The following PTPRD variants were observed in gnomAD, a reference collection of about 807,000 sequenced individuals.
PTPRD encodes protein tyrosine phosphatase receptor type D, also known as receptor-type tyrosine-protein phosphatase delta.
In PTPRD, 34 loss-of-function variants were observed where a neutral mutation model predicts 214.5. The observed-to-expected ratio is 0.16, with a 90% CI of 0.12 to 0.21. The LOEUF is 0.21. Among genes scored for constraint, PTPRD ranks in the 10% least tolerant of loss-of-function variants. The pLI, the probability that PTPRD is intolerant of heterozygous loss-of-function variation, is 1.00. For synonymous variants in PTPRD, 1,128 were observed against 845.7 expected, an observed-to-expected ratio of 1.33 and a Z score of -5.79; for missense variants, 2,545 against 2,398.7, an observed-to-expected ratio of 1.06 and a Z score of -1.27.
At chr9:9,410,430 T>C (rs964134623) in intron 8 of PTPRD, among the ~76,000 whole-genome samples, 23 of 152,230 alleles carry the variant, frequency 1.5e-4, no homozygotes, top group African/African-American at 2.4e-5. Context: ...GTTTCCTATG[T>C]CCAGCTTACA....
At chr9:10,118,496 A>G (rs922469488) in intron 3 of PTPRD, among the ~76,000 whole-genome samples, 1 of 151,770 alleles carries the variant, frequency 6.6e-6, no homozygotes, top group African/African-American at 2.4e-5. Context: ...CATAATAAAG[A>G]TTCAACATAT....
At chr9:10,148,490 T>A (rs1380765736) in intron 3 of PTPRD, among the ~76,000 whole-genome samples, 1 of 152,062 alleles carries the variant, frequency 6.6e-6, no homozygotes, top group East Asian at 1.9e-4. Context: ...TTTTAAAAAA[T>A]AATGGCATCA....
intron 11 of PTPRD, among the ~76,000 whole-genome samples, chr9:8,918,600 T>C (rs1197684026): frequency 2.0e-5 from 3 of 152,166 alleles, no homozygotes; most frequent in Non-Finnish European, 4.4e-5. Flanking sequence ...TGCATGCATA[T>C]ATAGTGATTA....
intron 12 of PTPRD, among the ~76,000 whole-genome samples, chr9:8,693,714 A>C (rs1036830197): frequency 6.6e-6 from 1 of 152,224 alleles, no homozygotes; most frequent in Non-Finnish European, 1.5e-5. Flanking sequence ...AAGTCCTGAA[A>C]CTGCTTTGCA....
At chr9:9,921,793 T>C (rs1443870569) in intron 5 of PTPRD, among the ~76,000 whole-genome samples, 1 of 151,910 alleles carries the variant, frequency 6.6e-6, no homozygotes, top group Non-Finnish European at 1.5e-5. Flanking sequence ...GACAATAGTG[T>C]AATTGAGAGC....
chr9:8,986,008 T>C (rs2099343108), intron 11 of PTPRD, among the ~76,000 whole-genome samples: 1 of 152,096 alleles, frequency 6.6e-6, no homozygotes, highest in African/African-American at 2.4e-5. Flanking sequence ...TAAAAGCTTT[T>C]TTACAGTAGT....
In PTPRD at chr9:10,188,011, G is replaced by C. The variant is rs989600078; in HGVS notation, c.-545+152952C>G. On this transcript the variant is annotated intron_variant, in intron 3 of 45. Transcript: ENST00000381196. The stretch of plus-strand genomic sequence containing the variant: ...GACATTGAGAAGTCTCTACAATTGA[G>C]GTCCAATGCATCTTTCTGGCAACAC... Among the ~76,000 whole-genome samples, 60 of 152,108 alleles carry C rather than the reference G, an allele frequency of 3.9e-4. 1 individual carries two copies. Among genetic ancestry groups the C allele is most frequent in the Admixed American group, 3.9e-3 (59 of 15,264 alleles).
intron 8 of PTPRD, among the ~76,000 whole-genome samples, chr9:9,485,687 T>C (rs10217686): frequency 0.19 from 28,543 of 152,160 alleles, 2,839 homozygotes; most frequent in Non-Finnish European, 0.23. Context: ...TTCTTTCCTC[T>C]TCTAAAGTAT....
intron 8 of PTPRD, among the ~76,000 whole-genome samples, chr9:9,505,252 G>C (rs796214205): frequency 4.0e-5 from 6 of 151,704 alleles, no homozygotes; most frequent in African/African-American, 1.4e-4. Flanking sequence ...GACTCTCTTA[G>C]ATTAAATAAT....
intron 9 of PTPRD, among the ~76,000 whole-genome samples, chr9:9,266,604 G>T (rs1314251048): frequency 6.7e-6 from 1 of 150,136 alleles, no homozygotes. Flanking sequence ...TAAATAAGTA[G>T]AATAAGTGGT....
chr9:8,372,908 A>G (rs2081993474), intron 39 of PTPRD, among the ~76,000 whole-genome samples: 1 of 151,902 alleles, frequency 6.6e-6, no homozygotes, highest in African/African-American at 2.4e-5. Flanking sequence ...AACCTCCTCC[A>G]TTCTCACAGG....
In PTPRD at chr9:10,138,313, A is replaced by G. The variant is rs995494608; in HGVS notation, c.-544-104523T>C. ...AGGACATGAATACATTCCTAGAAAC[A>G]CACAACCTCCCAAGATTGAACCATG... is the stretch of plus-strand genomic sequence containing the variant. On this transcript the variant is annotated intron_variant, in intron 3 of 45. Transcript: ENST00000381196. Among the ~76,000 whole-genome samples, 12 of 152,196 alleles carry G rather than the reference A, an allele frequency of 7.9e-5. No individual in the cohort carries two copies. The East Asian group carries it at 2.3e-3, about 29-fold the overall frequency.
intron 11 of PTPRD, among the ~76,000 whole-genome samples, chr9:8,913,653 A>C (rs1381923100): frequency 6.6e-6 from 1 of 152,080 alleles, no homozygotes; most frequent in Admixed American, 6.6e-5. Flanking sequence ...GCTTCTTATT[A>C]AGGCAAACTT....
chr9:10,235,464 C>A (rs1000813870), intron 3 of PTPRD, among the ~76,000 whole-genome samples: 1 of 151,894 alleles, frequency 6.6e-6, no homozygotes, highest in Non-Finnish European at 1.5e-5. Flanking sequence ...AGGGTGGAAC[C>A]AGGAAGGCTA....
rs184729858 is a variant in PTPRD at position 9,918,961 on chromosome 9, A to T, written c.-368+19546T>A. On this transcript the variant is annotated intron_variant, in intron 5 of 45. Transcript: ENST00000381196. ...GAAAAATGGCATATAGTTACAGATC[A>T]ATGAATGCCATTATTGTTTTTTATT... Among the ~76,000 whole-genome samples the T allele has an allele frequency of 1.1e-4, 17 of 152,232 alleles. No homozygotes were observed. The East Asian group carries it at 3.3e-3, about 29-fold the overall frequency.
At chr9:8,772,663 T>C (rs747508102) in intron 11 of PTPRD, among the ~76,000 whole-genome samples, 48 of 152,222 alleles carry the variant, frequency 3.2e-4, no homozygotes, top group Middle Eastern at 3.4e-3. Context: ...ATAAAAATAA[T>C]TTTTTAAAAA....
chr9:10,150,790 G>A (rs774840710), intron 3 of PTPRD, among the ~76,000 whole-genome samples: 3 of 151,970 alleles, frequency 2.0e-5, no homozygotes, highest in South Asian at 2.1e-4. Context: ...ACATGATGTA[G>A]TTTCCCTCAG....
At chr9:8,589,014 A>T (rs1275567287) in intron 14 of PTPRD, among the ~76,000 whole-genome samples, 1 of 152,230 alleles carries the variant, frequency 6.6e-6, no homozygotes, top group Non-Finnish European at 1.5e-5. Context: ...TGAAATCCCT[A>T]TAGATTCTTA....
intron 9 of PTPRD, among the ~76,000 whole-genome samples, chr9:9,272,459 A>C (rs1196402101): frequency 6.6e-6 from 1 of 151,222 alleles, no homozygotes; most frequent in Non-Finnish European, 1.5e-5. Context: ...ATTTACAAAG[A>C]CCTCTTAATC....
Sources: gnomAD v4.1 joint callset for allele counts (sites outside exome capture counted in the v4.1 genomes callset) on GRCh38, gnomAD v4.1.1 for gene constraint, MANE v1.5 for transcripts, NCBI Gene and HGNC (gene_info 2026-07-23, HGNC 2026-07-21) for gene names.